HDAC4: variants seen among roughly 807,000 people sequenced by gnomAD.
HDAC4 encodes the protein histone deacetylase 4.
Under a neutral mutation model 135.1 loss-of-function variants are expected in HDAC4, and 16 were observed. That is an observed-to-expected ratio of 0.12 (90% CI 0.08 to 0.18). The LOEUF is 0.18. HDAC4 is among the 10% of genes least tolerant of loss of function. The pLI is 1.00. For missense variants in HDAC4, 1,143 were observed against 1,511.8 expected (o/e 0.76, Z 4.05); for synonymous variants, 685 against 653.4 (o/e 1.05, Z -0.74).
At position 239,167,903 on chromosome 2, in the gene HDAC4, T is replaced by C. The variant is rs966252597; in HGVS notation, c.491-3980A>G. On this transcript the variant is annotated intron_variant, in intron 5 of 26. Coordinates refer to ENST00000543185, the MANE Select transcript of HDAC4 (RefSeq NM_001378414.1). This position sits in a 1 kb window ranked among gnomAD's most constrained non-coding sequence, Gnocchi z 4.1. ...GAGAGTGCACCCGAGACCTAAGGAATGAGCGAGCAACAGCTGAGCGGGGCA... is the reference window on the plus strand; with the variant it reads ...GAGAGTGCACCCGAGACCTAAGGAACGAGCGAGCAACAGCTGAGCGGGGCA... 7.9e-6 allele frequency among the ~76,000 whole-genome samples: 1 copy of C among 126,352 alleles called. No individual in the cohort carries two copies. The highest frequency in any genetic ancestry group is 1.6e-5 in the Non-Finnish European group (1 of 64,326). 82.9% of individuals were successfully genotyped at this position (126,352 alleles called of 152,430 possible). A position where few individuals can be genotyped will look rare whatever the true frequency, so the allele number is the denominator to read the frequency against.
chr2:239,086,423 C>T lies in HDAC4; in HGVS notation c.2444+1136G>A, dbSNP rs143845497. Reference sequence around the variant, plus strand: ...TATCTCTCACGTACAGTCTCCTCCCCGTACATGAAGGAGAATCTGCTCTAA... The same window carrying T: ...TATCTCTCACGTACAGTCTCCTCCCTGTACATGAAGGAGAATCTGCTCTAA... On this transcript the variant is annotated intron_variant, in intron 19 of 26. Coordinates refer to ENST00000543185, the MANE Select transcript of HDAC4 (RefSeq NM_001378414.1). Among the ~76,000 whole-genome samples the T allele has an allele frequency of 5.1e-3, 652 of 128,774 alleles. 2 individuals carry two copies. Among genetic ancestry groups the T allele is most frequent in the African/African-American group, 0.018 (606 of 33,278 alleles). 84.5% of individuals were successfully genotyped at this position (128,774 alleles called of 152,430 possible).
chr2:239,392,340 C>T (rs1696282913), intron 1 of HDAC4, among the ~76,000 whole-genome samples: 1 of 152,272 alleles, frequency 6.6e-6, no homozygotes, highest in Admixed American at 6.5e-5. Flanking sequence ...GGGGCGGATT[C>T]CAACACAGAG....
At position 239,189,708 on chromosome 2, in the gene HDAC4, G is replaced by GC. The variant is rs2044784401; in HGVS notation, c.339+124dup. The GC allele has an allele frequency of 9.2e-6, 8 of 866,388 alleles. No individual in the cohort carries two copies. In the South Asian group the frequency reaches 1.2e-4, roughly 12 times the overall value. 53.7% of individuals were successfully genotyped at this position (866,388 alleles called of 1,614,324 possible). On this transcript the variant is annotated intron_variant, in intron 4 of 26. Coordinates refer to ENST00000543185, the MANE Select transcript of HDAC4 (RefSeq NM_001378414.1). ...TGGTGTTACCGTCCCAACGCAGAAG[G>GC]CCTCCTGCAGGAACCCTGCATCATG... is the stretch of plus-strand genomic sequence containing the variant.
intron 3 of HDAC4, among the ~76,000 whole-genome samples, chr2:239,221,252 C>T (rs541583576): frequency 2.6e-5 from 4 of 152,236 alleles, no homozygotes; most frequent in South Asian, 2.1e-4. Context: ...TGACATAAAC[C>T]GCTGAGGAAA....
intron 3 of HDAC4, among the ~76,000 whole-genome samples, chr2:239,210,402 C>T (rs1313497584): frequency 6.6e-6 from 1 of 152,184 alleles, no homozygotes; most frequent in Non-Finnish European, 1.5e-5. Context: ...AAAAGCAAAT[C>T]CAAACCGTAT....
chr2:239,131,161 C>T (rs866212167), intron 11 of HDAC4, among the ~76,000 whole-genome samples: 15 of 152,160 alleles, frequency 9.9e-5, no homozygotes, highest in Non-Finnish European at 1.2e-4. Context: ...AGGAACTGCC[C>T]GGAGCGGTGC....
intron 2 of HDAC4, among the ~76,000 whole-genome samples, chr2:239,301,828 C>A (rs1436525830): frequency 6.6e-6 from 1 of 152,154 alleles, no homozygotes; most frequent in Non-Finnish European, 1.5e-5. Context: ...TGATCAAATA[C>A]TACAATGCTA....
intron 7 of HDAC4, among the ~76,000 whole-genome samples, chr2:239,153,039 G>C (rs1304331215): frequency 6.6e-6 from 1 of 152,218 alleles, no homozygotes; most frequent in African/African-American, 2.4e-5. Flanking sequence ...TGAAGGAGCT[G>C]GGTAGAAACT....
rs73100757 is a variant in HDAC4 at position 239,284,079 on chromosome 2, G to A, written c.23-47415C>T. Among the ~76,000 whole-genome samples, 611 of 152,346 alleles carry A rather than the reference G, an allele frequency of 4.0e-3. 4 individuals carry two copies. The highest frequency in any genetic ancestry group is 0.014 in the African/African-American group (588 of 41,578). ...TGAAAACTGTGAAGTCCATGCTGCG[G>A]TCTCCACGCCCAGTGGCTTTCCACG... is the stretch of plus-strand genomic sequence containing the variant. On this transcript the variant is annotated intron_variant, in intron 2 of 26. Coordinates refer to ENST00000543185, the MANE Select transcript of HDAC4 (RefSeq NM_001378414.1).
intron 2 of HDAC4, among the ~76,000 whole-genome samples, chr2:239,241,863 TC>T (rs1407938461): frequency 6.6e-6 from 1 of 152,138 alleles, no homozygotes; most frequent in African/African-American, 2.4e-5. Context: ...CAAATCTCAA[TC>T]CTGTTGGCCA....
Position 239,072,862 on chromosome 2 carries a change from G to C in HDAC4, c.2751-4255C>G, listed in dbSNP as rs558698917. On this transcript the variant is annotated intron_variant, in intron 22 of 26. Transcript: ENST00000543185. ...AGTTCCTCTGATTTCTGGTGGTGGA[G>C]GGACACAACCCCCAAGGGCTTAAAC... Among the ~76,000 whole-genome samples the C allele has an allele frequency of 8.5e-5, 13 of 152,334 alleles. No homozygotes were observed. In the South Asian group the frequency reaches 1.5e-3, roughly 17 times the overall value.
At chr2:239,379,555 G>T (rs1396032886) in intron 1 of HDAC4, among the ~76,000 whole-genome samples, 1 of 152,166 alleles carries the variant, frequency 6.6e-6, no homozygotes, top group Non-Finnish European at 1.5e-5. Flanking sequence ...CTCGGCCTGA[G>T]CTGGCCCAGT....
At chr2:239,205,158 G>A (rs995077795) in intron 3 of HDAC4, among the ~76,000 whole-genome samples, 1 of 152,218 alleles carries the variant, frequency 6.6e-6, no homozygotes, top group Non-Finnish European at 1.5e-5. Flanking sequence ...TGTACTCTGA[G>A]CTGCAAACCT....
chr2:239,334,325 G>A (rs1278975288), intron 2 of HDAC4, among the ~76,000 whole-genome samples: 1 of 151,896 alleles, frequency 6.6e-6, no homozygotes, highest in Non-Finnish European at 1.5e-5. Context: ...TTCGAGACCA[G>A]CCTGATCAAC....
chr2:239,312,625 A>G (rs550884228), intron 2 of HDAC4, among the ~76,000 whole-genome samples: 5 of 152,282 alleles, frequency 3.3e-5, no homozygotes, highest in Admixed American at 2.6e-4. Context: ...TGAAACGAAA[A>G]CATCCACACT....
intron 2 of HDAC4, among the ~76,000 whole-genome samples, chr2:239,292,803 T>G (rs1402278471): frequency 6.6e-6 from 1 of 152,170 alleles, no homozygotes; most frequent in Non-Finnish European, 1.5e-5. Context: ...GTCTCTCACG[T>G]GGACCTAGAC....
intron 18 of HDAC4, chr2:239,089,749 T>TTTGGG: frequency 2.7e-6 from 1 of 367,998 alleles, no homozygotes; most frequent in Admixed American, 4.4e-5. Flanking sequence ...TTTTTAAGAG[T>TTTGGG]ATAAATTTTT....
At position 239,349,476 on chromosome 2, in the gene HDAC4, C is replaced by T. The variant is rs762453579; in HGVS notation, c.22+3202G>A. On this transcript the variant is annotated intron_variant, in intron 2 of 26. Coordinates refer to ENST00000543185, the MANE Select transcript of HDAC4 (RefSeq NM_001378414.1). The surrounding 1 kb of genome is among the most constrained non-coding windows in gnomAD (Gnocchi z 5.7). ...AAGCACTTCCAGCAATGCCTGGGAG[C>T]GGACGGACAGGTGCATCAGCTGACA... 3.9e-5 allele frequency among the ~76,000 whole-genome samples: 6 copies of T among 152,206 alleles called. No individual in the cohort carries two copies. The highest frequency in any genetic ancestry group is 1.9e-4 in the East Asian group (1 of 5,194).
chr2:239,178,863 A>G (rs1411803719), intron 4 of HDAC4, among the ~76,000 whole-genome samples: 1 of 152,210 alleles, frequency 6.6e-6, no homozygotes, highest in Admixed American at 6.5e-5. Context: ...CCAGCTGGTG[A>G]TTCTTCCTGG....
Sources: gnomAD v4.1 joint callset for allele counts (sites outside exome capture counted in the v4.1 genomes callset) on GRCh38, gnomAD v4.1.1 for gene constraint, Gnocchi (gnomAD v3.1) non-coding constraint, MANE v1.5 for transcripts, NCBI Gene and HGNC (gene_info 2026-07-23, HGNC 2026-07-21) for gene names.